Variants in GALNTL6 observed in about 807,000 individuals in gnomAD.
GALNTL6 encodes polypeptide N-acetylgalactosaminyltransferase like 6, also known as polypeptide N-acetylgalactosaminyltransferase-like 6.
A neutral mutation model predicts 73.7 loss-of-function variants in GALNTL6; 46 were observed. That is an observed-to-expected ratio of 0.62 (90% CI 0.49 to 0.80). The LOEUF (loss-of-function observed/expected upper bound fraction) is 0.80. Ranked by LOEUF, GALNTL6 falls within the 30% of genes least tolerant of loss-of-function variation. The pLI, the probability that GALNTL6 is intolerant of heterozygous loss-of-function variation, is 0.00. For missense variants in GALNTL6, 604 were observed against 755.0 expected, an observed-to-expected ratio of 0.80 and a Z score of 2.34; for synonymous variants, 259 against 263.7, an observed-to-expected ratio of 0.98 and a Z score of 0.17.
intron 3 of GALNTL6, among the ~76,000 whole-genome samples, chr4:172,296,438 G>A (rs1271278728): frequency 6.6e-6 from 1 of 152,076 alleles, no homozygotes; most frequent in Middle Eastern, 3.2e-3. Flanking sequence ...ATATATACAT[G>A]TGGGAGTTGG....
At chr4:172,824,325 C>G (rs952448081) in intron 7 of GALNTL6, among the ~76,000 whole-genome samples, 2 of 151,428 alleles carry the variant, frequency 1.3e-5, no homozygotes, top group African/African-American at 4.9e-5. Context: ...GAGTTGGCCA[C>G]AAGGGCTTTC....
At chr4:172,539,582 G>A (rs906396583) in intron 5 of GALNTL6, among the ~76,000 whole-genome samples, 2 of 151,946 alleles carry the variant, frequency 1.3e-5, no homozygotes, top group South Asian at 4.2e-4. Flanking sequence ...AACTGGACAG[G>A]GAGTGAAAAG....
intron 12 of GALNTL6, among the ~76,000 whole-genome samples, chr4:173,027,185 C>T (rs960408371): frequency 2.0e-5 from 3 of 152,066 alleles, no homozygotes; most frequent in Non-Finnish European, 4.4e-5. Context: ...GGTTTCACCA[C>T]GTTGGCCAGG....
intron 3 of GALNTL6, among the ~76,000 whole-genome samples, chr4:172,294,426 C>A (rs1039656088): frequency 2.0e-5 from 3 of 152,092 alleles, no homozygotes; most frequent in Non-Finnish European, 4.4e-5. Flanking sequence ...AAGGAAGATG[C>A]TAGCAGACCA....
chr4:172,196,040 C>A (rs1395926690), intron 2 of GALNTL6, among the ~76,000 whole-genome samples: 10 of 137,928 alleles, frequency 7.3e-5, no homozygotes, highest in African/African-American at 2.4e-4. Context: ...ATAAAATAGA[C>A]CACTAGCTAG....
chr4:171,846,780 A>G (rs941888512), intron 2 of GALNTL6, among the ~76,000 whole-genome samples: 1 of 148,218 alleles, frequency 6.7e-6, no homozygotes, highest in African/African-American at 2.5e-5. Context: ...ATCTATAGAT[A>G]TATAGAAAGC....
chr4:172,174,914 A>C (rs960958240), intron 2 of GALNTL6, among the ~76,000 whole-genome samples: 1 of 152,218 alleles, frequency 6.6e-6, no homozygotes, highest in Non-Finnish European at 1.5e-5. Context: ...AATATTCTGT[A>C]TATTTAGATT....
intron 5 of GALNTL6, among the ~76,000 whole-genome samples, chr4:172,790,414 C>G (rs1165683613): frequency 6.6e-6 from 1 of 152,132 alleles, no homozygotes; most frequent in East Asian, 1.9e-4. Context: ...TCTCTCTGCC[C>G]ATGCACACAC....
intron 2 of GALNTL6, among the ~76,000 whole-genome samples, chr4:172,066,965 A>G (rs7664908): frequency 0.97 from 146,818 of 151,886 alleles, 71,164 homozygotes; most frequent in East Asian, 1. Context: ...TCCCTGGGCT[A>G]TCCATGAACG....
chr4:172,727,285 G>A (rs1350358288), intron 5 of GALNTL6, among the ~76,000 whole-genome samples: 1 of 152,124 alleles, frequency 6.6e-6, no homozygotes, highest in African/African-American at 2.4e-5. Flanking sequence ...TCTGCAGAAA[G>A]TCATATACTT....
At chr4:172,102,705 G>A (rs935794099) in intron 2 of GALNTL6, among the ~76,000 whole-genome samples, 5 of 152,198 alleles carry the variant, frequency 3.3e-5, no homozygotes, top group African/African-American at 1.2e-4. Context: ...TTTACTGCAA[G>A]AGCATATTCA....
intron 5 of GALNTL6, among the ~76,000 whole-genome samples, chr4:172,658,148 T>TAAAAAAAAAA (rs1276059814): frequency 0.018 from 3 of 166 alleles, no homozygotes; most frequent in East Asian, 0.083. Flanking sequence ...AGACTCCGTC[T>TAAAAAAAAAA]CAAAAAAAAA....
chr4:172,297,633 A>G (rs1483195389), intron 3 of GALNTL6, among the ~76,000 whole-genome samples: 2 of 152,062 alleles, frequency 1.3e-5, no homozygotes, highest in African/African-American at 4.8e-5. Context: ...TCTTGTTTTT[A>G]TCAGGTTTGT....
intron 2 of GALNTL6, among the ~76,000 whole-genome samples, chr4:171,989,058 T>C (rs573414363): frequency 6.6e-6 from 1 of 151,980 alleles, no homozygotes; most frequent in African/African-American, 2.4e-5. Context: ...AAAAGAGTAT[T>C]GTCTAAGTTG....
intron 5 of GALNTL6, among the ~76,000 whole-genome samples, chr4:172,526,672 G>T (rs1305887354): frequency 2.0e-5 from 3 of 152,150 alleles, no homozygotes; most frequent in African/African-American, 7.2e-5. Context: ...AGAGCTGCCA[G>T]CAGTGTGAAA....
chr4:172,833,574 A>G (rs1297716451), intron 7 of GALNTL6, among the ~76,000 whole-genome samples: 13 of 152,168 alleles, frequency 8.5e-5, no homozygotes, highest in Admixed American at 7.2e-4. Context: ...CTTGAGCTCC[A>G]TAAGAATTAG....
intron 2 of GALNTL6, among the ~76,000 whole-genome samples, chr4:171,911,257 T>C (rs1220098691): frequency 6.6e-6 from 1 of 152,176 alleles, no homozygotes; most frequent in East Asian, 1.9e-4. Flanking sequence ...CCTCCCAGGC[T>C]CTGTCAAGCC....
chr4:172,086,577 A>G (rs529337115), intron 2 of GALNTL6, among the ~76,000 whole-genome samples: 19 of 152,300 alleles, frequency 1.2e-4, no homozygotes, highest in African/African-American at 4.6e-4. Flanking sequence ...ATGCACACAG[A>G]GTTGAGATTA....
intron 2 of GALNTL6, among the ~76,000 whole-genome samples, chr4:172,089,015 G>T (rs1041275333): frequency 2.6e-5 from 4 of 152,150 alleles, no homozygotes; most frequent in African/African-American, 9.7e-5. Flanking sequence ...AAGAAGAAAA[G>T]AACATAGATT....
Sources: allele counts gnomAD v4.1 joint callset (sites outside exome capture counted in the v4.1 genomes callset), GRCh38; gene constraint gnomAD v4.1.1; transcripts MANE v1.5; gene names NCBI Gene and HGNC (gene_info 2026-07-23, HGNC 2026-07-21).